SLC2A13: variants seen among roughly 807,000 people sequenced by gnomAD.
SLC2A13 encodes the protein solute carrier family 2 member 13.
Under a neutral mutation model 64.4 loss-of-function variants are expected in SLC2A13, and 32 were observed. That is an observed-to-expected ratio of 0.50 (90% CI 0.37 to 0.67). The LOEUF (loss-of-function observed/expected upper bound fraction) is 0.67. Ranked by LOEUF, SLC2A13 falls within the 30% of genes least tolerant of loss-of-function variation. The probability of loss-of-function intolerance (pLI) is 0.00; values close to 1 mark genes in which losing one functional copy is unlikely to be tolerated. For missense variants in SLC2A13, 743 were observed against 829.2 expected (o/e 0.90, Z 1.28); for synonymous variants, 338 against 327.1 (o/e 1.03, Z -0.36).
intron 4 of SLC2A13, among the ~76,000 whole-genome samples, chr12:39,939,633 G>T (rs953044528): frequency 6.6e-6 from 1 of 152,190 alleles, no homozygotes; most frequent in Non-Finnish European, 1.5e-5. Flanking sequence ...TTTCTTCAAA[G>T]ACATGATTGG....
Position 39,836,246 on chromosome 12 carries a change from C to G in SLC2A13, c.1320-6018G>C, listed in dbSNP as rs1047720748. 3.3e-5 allele frequency among the ~76,000 whole-genome samples: 5 copies of G among 152,204 alleles called. No individual in the cohort carries two copies. In the East Asian group the frequency reaches 9.7e-4, roughly 29 times the overall value. On this transcript the variant is annotated intron_variant, in intron 6 of 9. Coordinates refer to ENST00000280871, the MANE Select transcript of SLC2A13 (RefSeq NM_052885.4). ...TTAGACAATAGCCAATGATGCTCCT[C>G]TACTGTGGGATGTGAGTGCTGGGGG...
At chr12:39,808,330 T>G (rs1384224748) in intron 7 of SLC2A13, among the ~76,000 whole-genome samples, 2 of 152,198 alleles carry the variant, frequency 1.3e-5, no homozygotes, top group Non-Finnish European at 2.9e-5. Flanking sequence ...TGTATCATAA[T>G]TTGTTTATCC....
rs1330046339 is a variant in SLC2A13 at position 39,940,824 on chromosome 12, T to C, written c.1034+10433A>G. Among the ~76,000 whole-genome samples, 6 of 152,160 alleles carry C rather than the reference T, an allele frequency of 3.9e-5. No individual in the cohort carries two copies. In the East Asian group the frequency reaches 9.7e-4, roughly 24 times the overall value. On this transcript the variant is annotated intron_variant, in intron 4 of 9. Coordinates refer to ENST00000280871, the MANE Select transcript of SLC2A13 (RefSeq NM_052885.4). ...TGGTGCACCCATCACCCAAGCAGTA[T>C]ATACTGCACCATATTTGTAGTCTCT...
intron 4 of SLC2A13, among the ~76,000 whole-genome samples, chr12:39,882,690 A>T (rs1051999627): frequency 4.0e-5 from 6 of 151,818 alleles, no homozygotes; most frequent in African/African-American, 1.5e-4. Flanking sequence ...ATCACCACCA[A>T]ATCTACCCAC....
At chr12:39,845,141 G>C in intron 6 of SLC2A13, among the ~76,000 whole-genome samples, 1 of 151,746 alleles carries the variant, frequency 6.6e-6, no homozygotes, top group East Asian at 1.9e-4. Flanking sequence ...CTTTGTGATG[G>C]GCAGTCACGT....
intron 1 of SLC2A13, among the ~76,000 whole-genome samples, chr12:40,101,951 T>TA (rs5797651): frequency 1 from 152,297 of 152,298 alleles, 76,148 homozygotes; most frequent in Middle Eastern, 1. Context: ...TGTAAAGTAC[T>TA]CCACCAGGTC....
chr12:39,988,857 T>C (rs1249471101), intron 3 of SLC2A13, among the ~76,000 whole-genome samples: 1 of 152,186 alleles, frequency 6.6e-6, no homozygotes, highest in Non-Finnish European at 1.5e-5. Flanking sequence ...CTTCTTCTAA[T>C]ATCCCCATCC....
intron 6 of SLC2A13, among the ~76,000 whole-genome samples, chr12:39,831,435 G>T (rs1942848119): frequency 6.6e-6 from 1 of 152,144 alleles, no homozygotes; most frequent in Non-Finnish European, 1.5e-5. Context: ...GTTGTGAAAG[G>T]AGAAATAGGT....
chr12:39,888,732 A>C (rs1944527671), intron 4 of SLC2A13, among the ~76,000 whole-genome samples: 1 of 152,244 alleles, frequency 6.6e-6, no homozygotes. Context: ...TTGTCAACAC[A>C]GACAATCTTT....
At chr12:39,816,468 A>G (rs1400623355) in intron 7 of SLC2A13, among the ~76,000 whole-genome samples, 1 of 150,160 alleles carries the variant, frequency 6.7e-6, no homozygotes, top group Non-Finnish European at 1.5e-5. Flanking sequence ...ATTAGGAGAT[A>G]TACCTAATGT....
Position 39,760,073 on chromosome 12 carries a change from C to T in SLC2A13, c.1900G>A (p.Gly634Arg). The part of the protein sequence containing the change: ...GRYIEYIRVK[G>R]SNYHLSDNDA... ...TTGTCAGAAAGATGATAGTTACTTC[C>T]CTTTACCCGAATATATTCAATATAT... The change falls in exon 10 of 10, where the codon GGA (glycine) becomes AGA (arginine). Residue 634 changes from glycine (G) to arginine (R), a missense_variant. Around this residue, in one of 2 missense-constraint regions of SLC2A13, gnomAD observed 295 missense variants for 381.7 expected, o/e 0.77. Transcript: ENST00000280871. 2 of 1,612,710 alleles carry T rather than the reference C, an allele frequency of 1.2e-6. No homozygotes were observed. The highest frequency in any genetic ancestry group is 2.2e-5 in the South Asian group (2 of 91,040).
intron 7 of SLC2A13, among the ~76,000 whole-genome samples, chr12:39,794,621 C>T (rs1387258073): frequency 6.6e-6 from 1 of 152,122 alleles, no homozygotes; most frequent in Non-Finnish European, 1.5e-5. Flanking sequence ...TGTAACCAAT[C>T]CAGCTGTTTT....
rs1343458547 is a variant in SLC2A13 at position 39,757,109 on chromosome 12, C to T, written c.*2917G>A. On this transcript the variant is annotated 3_prime_UTR_variant, in exon 10 of 10. Coordinates refer to ENST00000280871, the MANE Select transcript of SLC2A13 (RefSeq NM_052885.4). ...AAACCCTTTTGACATCACATTCAGC[C>T]CTATGTGTTTATATGCAGATGAAAT... 2 of 151,538 alleles carry T rather than the reference C, an allele frequency of 1.3e-5. 1 individual carries two copies. The highest frequency in any genetic ancestry group is 4.8e-5 in the African/African-American group (2 of 41,314). 9.4% of individuals were successfully genotyped at this position (151,538 alleles called of 1,614,324 possible). A position where few individuals can be genotyped will look rare whatever the true frequency, so the allele number is the denominator to read the frequency against.
At chr12:40,072,216 CCTT>C (rs1471481128) in intron 1 of SLC2A13, among the ~76,000 whole-genome samples, 3 of 152,076 alleles carry the variant, frequency 2.0e-5, no homozygotes, top group African/African-American at 7.2e-5. Flanking sequence ...ATCCAGCTAT[CCTT>C]CTGCTGTTGA....
At chr12:40,092,850 G>A (rs917058291) in intron 1 of SLC2A13, among the ~76,000 whole-genome samples, 1 of 152,196 alleles carries the variant, frequency 6.6e-6, no homozygotes, top group South Asian at 2.1e-4. Flanking sequence ...CGACTCCAAT[G>A]CCTTTCCACT....
chr12:39,945,682 G>A (rs1445696178), intron 4 of SLC2A13, among the ~76,000 whole-genome samples: 2 of 152,150 alleles, frequency 1.3e-5, no homozygotes, highest in South Asian at 2.1e-4. Flanking sequence ...CTAAAAGTGT[G>A]TCCAAAGTTT....
intron 1 of SLC2A13, among the ~76,000 whole-genome samples, chr12:40,049,665 A>G (rs1374013085): frequency 1.3e-5 from 2 of 152,170 alleles, no homozygotes; most frequent in African/African-American, 4.8e-5. Context: ...TCCTAATGCC[A>G]TAACAGTTGT....
intron 7 of SLC2A13, among the ~76,000 whole-genome samples, chr12:39,821,810 C>A (rs899382841): frequency 6.6e-6 from 1 of 152,148 alleles, no homozygotes; most frequent in Non-Finnish European, 1.5e-5. Flanking sequence ...CAGGGAAATA[C>A]AATCCTTCCC....
At chr12:40,048,922 T>C (rs80070285) in intron 1 of SLC2A13, among the ~76,000 whole-genome samples, 18,780 of 152,106 alleles carry the variant, frequency 0.12, 1,547 homozygotes, top group Middle Eastern at 0.18. Context: ...ACCTACTAAA[T>C]AGAAAACTAC....
Sources: allele counts gnomAD v4.1 joint callset (sites outside exome capture counted in the v4.1 genomes callset), GRCh38; gene constraint gnomAD v4.1.1; regional missense constraint gnomAD v4.1.1; transcripts MANE v1.5; gene names NCBI Gene and HGNC (gene_info 2026-07-23, HGNC 2026-07-21).